Variants in STK11IP observed in about 807,000 individuals in gnomAD.
STK11IP encodes the protein serine/threonine-protein kinase 11-interacting protein.
STK11IP carries 103 observed loss-of-function variants against 131.7 expected under a neutral mutation model. The observed-to-expected ratio is 0.78, with a 90% CI of 0.67 to 0.92. The LOEUF (loss-of-function observed/expected upper bound fraction) is 0.92. Among genes scored for constraint, STK11IP ranks in the 40% least tolerant of loss-of-function variants. The pLI is 0.00. For missense variants in STK11IP, 1,315 were observed against 1,385.7 expected (o/e 0.95, Z 0.81); for synonymous variants, 557 against 575.6 (o/e 0.97, Z 0.46).
At chr2:219,606,110 C>A (rs371351593) in intron 9 of STK11IP, 51 bp downstream of exon 9, 11 of 1,545,728 alleles carry the variant, frequency 7.1e-6, no homozygotes, top group South Asian at 5.9e-5. Context: ...CACGTACCCC[C>A]CCATGCTGGT....
intron 17 of STK11IP, among the ~76,000 whole-genome samples, chr2:219,610,349 C>T (rs1253225385): frequency 1.3e-5 from 2 of 152,200 alleles, no homozygotes; most frequent in African/African-American, 2.4e-5. Context: ...GGAGCCTCTT[C>T]CATGGTGGCG....
Position 219,609,162 on chromosome 2 carries a change from G to C in STK11IP, c.1875G>C (p.Arg625=). Residue 625 remains arginine (R), a synonymous_variant, in exon 16 of 25, where the codon CGG becomes CGC. Coordinates refer to ENST00000456909, the MANE Select transcript of STK11IP (RefSeq NM_052902.4). ...GCTTCTCCTACATCTGCCCTGACCG[G>C]CAGTTGCGTCGCTATTTGGTGCTGG... ...SLRFSYICPD[R]QLRRYLVLEP... is the part of the protein sequence containing the mutation. The C allele has an allele frequency of 6.2e-7, 1 of 1,610,456 alleles. No individual in the cohort carries two copies. The highest frequency in any genetic ancestry group is 8.5e-7 in the Non-Finnish European group (1 of 1,178,494).
chr2:219,614,518 C>T lies in STK11IP; in HGVS notation c.2841C>T (p.Phe947=), dbSNP rs1442182609. ...EKDSSLEARQ[F]FYLRAFLVEG... is the part of the protein sequence containing the mutation. ...ACTCATCCTTGGAGGCTCGCCAGTT[C>T]TTCTACCTTCGGGCGTTCCTGGTTG... The change falls in exon 23 of 25, where the codon TTC becomes TTT. Residue 947 remains phenylalanine, a synonymous_variant. Coordinates refer to ENST00000456909, the MANE Select transcript of STK11IP (RefSeq NM_052902.4). The T allele has an allele frequency of 6.2e-7, 1 of 1,613,696 alleles. No homozygotes were observed. Among genetic ancestry groups the T allele is most frequent in the Non-Finnish European group, 8.5e-7 (1 of 1,179,864 alleles).
At chr2:219,613,606 A>AG (rs1351232291) in intron 20 of STK11IP, 146 bp from the exon 21 acceptor site, 1 of 646,316 alleles carries the variant, frequency 1.5e-6, no homozygotes, top group Non-Finnish European at 2.4e-6. Flanking sequence ...TGAGTGAGGG[A>AG]GGAGATGGAA....
Position 219,601,710 on chromosome 2 carries a change from C to A in STK11IP, c.337C>A (p.Leu113Met), listed in dbSNP as rs1465359464. The change falls in exon 4 of 25, where the codon CTG becomes ATG. Residue 113 changes from leucine to methionine, a missense_variant. Leu to Met is a conservative substitution (Grantham distance 15). Transcript: ENST00000456909. ...KIFPFKSLRH[L>M]ELRGVPLHCL... ...TTTCCCCTTCAAATCCCTTCGGCAC[C>A]TGGAGGTATGGGGACACGGGGGGAT... The A allele has an allele frequency of 6.2e-7, 1 of 1,601,958 alleles. No homozygotes were observed. Among genetic ancestry groups the A allele is most frequent in the Admixed American group, 1.7e-5 (1 of 58,404 alleles).
rs1044462302 is a variant in STK11IP at position 219,616,261 on chromosome 2, G to C, written c.*68G>C. 6.5e-7 allele frequency: 1 copy of C among 1,532,812 alleles called. No individual in the cohort carries two copies. Among genetic ancestry groups the C allele is most frequent in the African/African-American group, 1.4e-5 (1 of 72,988 alleles). 95.0% of individuals were successfully genotyped at this position (1,532,812 alleles called of 1,614,324 possible). A position where few individuals can be genotyped will look rare whatever the true frequency, so the allele number is the denominator to read the frequency against. On this transcript the variant is annotated 3_prime_UTR_variant, in exon 25 of 25. Transcript: ENST00000456909. Reference sequence around the variant, plus strand: ...GTAGACATTCCCTCTCCTGGTCTCTGGGTCTGGCTTCCAGGCTCTGGCTGT... The same window carrying C: ...GTAGACATTCCCTCTCCTGGTCTCTCGGTCTGGCTTCCAGGCTCTGGCTGT...
intron 12 of STK11IP, 52 bp downstream of exon 12, chr2:219,606,910 G>T: frequency 6.3e-7 from 1 of 1,589,856 alleles, no homozygotes; most frequent in Non-Finnish European, 8.6e-7. Flanking sequence ...TCTCTCCGGG[G>T]ACTCTGGGCT....
chr2:219,614,177 G>A lies in STK11IP; in HGVS notation c.2733G>A (p.Leu911=), dbSNP rs770723984. The change falls in exon 22 of 25, where the codon CTG becomes CTA. Residue 911 remains leucine, a synonymous_variant. Transcript: ENST00000456909. ...TCTGTCTAGATGTCTTGCAGTCTCTGCCCCCTGCCTGGAGGAACTGTGTCA... is the reference window on the plus strand; with the variant it reads ...TCTGTCTAGATGTCTTGCAGTCTCTACCCCCTGCCTGGAGGAACTGTGTCA... ...LEELLDVLQS[L]PPAWRNCVSA... 1 of 1,613,478 alleles carries A rather than the reference G, an allele frequency of 6.2e-7. No individual in the cohort carries two copies. Among genetic ancestry groups the A allele is most frequent in the Non-Finnish European group, 8.5e-7 (1 of 1,179,736 alleles).
chr2:219,607,987 G>C, intron 13 of STK11IP, 60 bp from the exon 14 acceptor site: 3 of 1,563,166 alleles, frequency 1.9e-6, no homozygotes, highest in Non-Finnish European at 2.6e-6. Flanking sequence ...CACCGTTGAA[G>C]GATTTGGGGC....
Position 219,615,290 on chromosome 2 carries a change from G to A in STK11IP, c.3066G>A (p.Val1022=), listed in dbSNP as rs2106169695. The change falls in exon 24 of 25, where the codon GTG becomes GTA. Residue 1022 remains valine (V), a synonymous_variant. Transcript: ENST00000456909. Reference sequence around the variant, plus strand: ...AGCCACTCAGCAGCCTGAGCTCCGTGCTGCTCTACCGCTCAGCCCCTGAGG... The same window carrying A: ...AGCCACTCAGCAGCCTGAGCTCCGTACTGCTCTACCGCTCAGCCCCTGAGG... ...EQQPLSSLSS[V]LLYRSAPEDL... 1 of 1,602,304 alleles carries A rather than the reference G, an allele frequency of 6.2e-7. No homozygotes were observed. The highest frequency in any genetic ancestry group is 8.5e-7 in the Non-Finnish European group (1 of 1,179,298).
In STK11IP at chr2:219,608,205, T is replaced by C; in HGVS notation, c.1378T>C (p.Ser460Pro). Residue 460 changes from serine (S) to proline (P), a missense_variant, in exon 14 of 25, where the codon TCC becomes CCC. Coordinates refer to ENST00000456909, the MANE Select transcript of STK11IP (RefSeq NM_052902.4). ...TSAPSAPPAS[S>P]QGPDTAPRPS... ...TGCACCCAGTGCACCTCCAGCCAGCTCCCAGGGCCCCGACACTGCACCCAG... is the reference window on the plus strand; with the variant it reads ...TGCACCCAGTGCACCTCCAGCCAGCCCCCAGGGCCCCGACACTGCACCCAG... The C allele has an allele frequency of 6.2e-7, 1 of 1,613,318 alleles. No individual in the cohort carries two copies. Among genetic ancestry groups the C allele is most frequent in the Non-Finnish European group, 8.5e-7 (1 of 1,179,846 alleles).
In STK11IP at chr2:219,613,739, CCT is replaced by C; in HGVS notation, c.2538-7_2538-6del. ...CTCATGCTTCTCCATTGCTCTGTCCCCTCTCTCCACAGTGAGCCTCCAGCTAG... is the reference window on the plus strand; with the variant it reads ...CTCATGCTTCTCCATTGCTCTGTCCCCTCTCCACAGTGAGCCTCCAGCTAG... On this transcript the variant is annotated splice_polypyrimidine_tract_variant and intron_variant, in intron 20 of 24. Coordinates refer to ENST00000456909, the MANE Select transcript of STK11IP (RefSeq NM_052902.4). 7 of 1,612,246 alleles carry C rather than the reference CCT, an allele frequency of 4.3e-6. No individual in the cohort carries two copies. Among genetic ancestry groups the C allele is most frequent in the Non-Finnish European group, 5.9e-6 (7 of 1,179,600 alleles).
chr2:219,601,411 G>C lies in STK11IP; in HGVS notation c.238G>C (p.Asp80His). ...PVILQLQFLF[D>H]VLQKTLSLKL... ...TATTCTTCAGCTTCAGTTTCTCTTCGATGTGCTGCAGAAAACACTTTCACT... is the reference window on the plus strand; with the variant it reads ...TATTCTTCAGCTTCAGTTTCTCTTCCATGTGCTGCAGAAAACACTTTCACT... The change falls in exon 3 of 25, where the codon GAT becomes CAT. Residue 80 changes from aspartate to histidine, a missense_variant. Asp to His is a moderately conservative substitution (Grantham distance 81). Transcript: ENST00000456909. The C allele has an allele frequency of 6.2e-7, 1 of 1,613,992 alleles. No homozygotes were observed. Among genetic ancestry groups the C allele is most frequent in the Non-Finnish European group, 8.5e-7 (1 of 1,179,902 alleles).
At chr2:219,609,073 C>T (rs1274967708) in intron 15 of STK11IP, 24 bp from the exon 16 acceptor site, 9 of 1,536,912 alleles carry the variant, frequency 5.9e-6, no homozygotes, top group Non-Finnish European at 8.0e-6. Context: ...CTGTTTTTCA[C>T]CCGGTCCCCC....
At chr2:219,615,049 G>T (rs761261538) in intron 23 of STK11IP, 45 bp from the exon 24 acceptor site, 2 of 1,581,680 alleles carry the variant, frequency 1.3e-6, no homozygotes, top group Admixed American at 1.7e-5. Flanking sequence ...CCAGGGATCT[G>T]GGCCCCTCCA....
In STK11IP at chr2:219,606,228, C is replaced by G; in HGVS notation, c.883C>G (p.Pro295Ala). The G allele has an allele frequency of 6.4e-7, 1 of 1,571,564 alleles. No homozygotes were observed. The highest frequency in any genetic ancestry group is 2.4e-5 in the East Asian group (1 of 42,308). ...YLEGNPLWFH[P>A]EHRAATAQYL... Reference sequence around the variant, plus strand: ...GGAGGGGAACCCTCTTTGGTTCCACCCTGAGCACCGAGCAGCCACTGCCCA... The same window carrying G: ...GGAGGGGAACCCTCTTTGGTTCCACGCTGAGCACCGAGCAGCCACTGCCCA... Residue 295 changes from proline (P) to alanine (A), a missense_variant, in exon 10 of 25, where the codon CCT becomes GCT. By Grantham distance (27) the Pro-to-Ala change is conservative. Transcript: ENST00000456909.
chr2:219,614,982 A>G, intron 23 of STK11IP, 112 bp from the exon 24 acceptor site: 1 of 1,308,784 alleles, frequency 7.6e-7, no homozygotes, highest in Non-Finnish European at 1.0e-6. Flanking sequence ...CTGCTTTGTG[A>G]CCCACCTCAG....
intron 13 of STK11IP, among the ~76,000 whole-genome samples, chr2:219,607,758 G>A (rs1346357061): frequency 6.6e-6 from 1 of 152,146 alleles, no homozygotes; most frequent in Admixed American, 6.5e-5. Flanking sequence ...ATGTGAGGTT[G>A]AAGAGAAATA....
chr2:219,609,469 A>C lies in STK11IP; in HGVS notation c.2033A>C (p.Glu678Ala), dbSNP rs1304164373. ...GRFQCLRCGH[E>A]FKPEEPRMGL... ...TTCCAGTGTCTACGCTGTGGCCATG[A>C]GTTCAAGCCAGAGGAGCCCAGGATG... Residue 678 changes from glutamate (E) to alanine (A), a missense_variant, in exon 17 of 25, where the codon GAG (glutamate) becomes GCG (alanine). Glu to Ala is a moderately radical substitution (Grantham distance 107). Coordinates refer to ENST00000456909, the MANE Select transcript of STK11IP (RefSeq NM_052902.4). The C allele has an allele frequency of 1.2e-6, 2 of 1,607,938 alleles. No homozygotes were observed. The highest frequency in any genetic ancestry group is 1.7e-6 in the Non-Finnish European group (2 of 1,177,392).
Sources: gnomAD v4.1 joint callset for allele counts (sites outside exome capture counted in the v4.1 genomes callset) on GRCh38, gnomAD v4.1.1 for gene constraint, MANE v1.5 for transcripts, NCBI Gene and HGNC (gene_info 2026-07-23, HGNC 2026-07-21) for gene names.